Variants in CYFIP1 observed in about 807,000 individuals in gnomAD.
CYFIP1 encodes cytoplasmic FMR1-interacting protein 1.
In CYFIP1, 58 loss-of-function variants were observed where a neutral mutation model predicts 163.5. The ratio of observed to expected loss-of-function variants is 0.35; its 90% confidence interval spans 0.29 to 0.44. The LOEUF (loss-of-function observed/expected upper bound fraction) is 0.44. CYFIP1 is among the 20% of genes least tolerant of loss of function. The pLI is 1.00. For missense variants in CYFIP1, 1,338 were observed against 1,653.8 expected, an observed-to-expected ratio of 0.81 and a Z score of 3.31; for synonymous variants, 663 against 660.7, an observed-to-expected ratio of 1.00 and a Z score of -0.05.
intron 26 of CYFIP1, 69 bp from the exon 27 acceptor site, chr15:22,875,340 C>T: frequency 7.6e-7 from 1 of 1,319,180 alleles, no homozygotes; most frequent in Non-Finnish European, 1.1e-6. Context: ...GTGCTGAAAA[C>T]CAAGAACTTC....
In CYFIP1 at chr15:22,932,275, C is replaced by T. The variant is rs1033163739; in HGVS notation, c.1058G>A (p.Arg353His). Residue 353 changes from arginine to histidine, a missense_variant, in exon 11 of 31, where the codon CGC becomes CAC. By Grantham distance (29) the Arg-to-His change is conservative. Transcript: ENST00000617928. ...YNICEQMIQI[R>H]EDHMRFISEL... ...CGAAATGAAGCGCATGTGGTCCTCG[C>T]GGATCTGGATCATCTGCTCGCAGAT... 18 of 1,613,036 alleles carry T rather than the reference C, an allele frequency of 1.1e-5. 1 individual carries two copies. Among genetic ancestry groups the T allele is most frequent in the East Asian group, 2.2e-5 (1 of 44,820 alleles).
intron 21 of CYFIP1, among the ~76,000 whole-genome samples, 161 bp downstream of exon 21, chr15:22,909,033 G>A (rs1241967034): frequency 6.6e-6 from 1 of 151,192 alleles, no homozygotes; most frequent in Non-Finnish European, 1.5e-5. Context: ...CTATACAAGA[G>A]GCTTGGTATA....
chr15:22,904,137 T>G lies in CYFIP1; in HGVS notation c.2389-232A>C, dbSNP rs7169822. The G allele has an allele frequency of 3.7e-3, 2,145 of 583,088 alleles. 28 individuals are homozygous for G. The highest frequency in any genetic ancestry group is 0.033 in the African/African-American group (1,774 of 53,522). The allele number at this position is 583,088 out of a possible 1,614,324, so 36.1% of individuals were successfully genotyped here. A position where few individuals can be genotyped will look rare whatever the true frequency, so the allele number is the denominator to read the frequency against. ...CCACTGCAGTCACCTCCACGCCACC[T>G]ACCCCTGCTGTCCAGCACCCTGTGG... On this transcript the variant is annotated intron_variant, in intron 21 of 30. Transcript: ENST00000617928.
chr15:22,949,919 A>C (rs1595687084), intron 1 of CYFIP1, among the ~76,000 whole-genome samples: 1 of 152,088 alleles, frequency 6.6e-6, no homozygotes, highest in African/African-American at 2.4e-5. Context: ...ACTTGAGTCC[A>C]GGAGTTCAAG....
At chr15:22,954,585 C>T (rs537391059) in intron 1 of CYFIP1, among the ~76,000 whole-genome samples, 1 of 152,264 alleles carries the variant, frequency 6.6e-6, no homozygotes, top group Admixed American at 6.5e-5. Context: ...CCCCAGGCGG[C>T]GAACCGACCC....
chr15:22,979,149 ACGAGTGCACACCTGCTACGG>A (rs1471214552), intron 1 of CYFIP1, among the ~76,000 whole-genome samples: 1 of 152,110 alleles, frequency 6.6e-6, no homozygotes, highest in East Asian at 1.9e-4. Context: ...TACTGGCCCT[ACGAGTGCACACCTGCTACGG>A]CCCGCGCCCA....
At position 22,963,889 on chromosome 15, in the gene CYFIP1, G is replaced by A. The variant is rs574047127; in HGVS notation, c.-7+16398C>T. On this transcript the variant is annotated intron_variant, in intron 1 of 30. Coordinates refer to ENST00000617928, the MANE Select transcript of CYFIP1 (RefSeq NM_014608.6). The stretch of plus-strand genomic sequence containing the variant: ...GACGGCTTGTAGAAAGGACCTTCCA[G>A]GCCCAGTCAGCCCCGGGAATAAACA... Among the ~76,000 whole-genome samples, 364 of 152,254 alleles carry A rather than the reference G, an allele frequency of 2.4e-3. 7 individuals carry two copies. Among genetic ancestry groups the A allele is most frequent in the African/African-American group, 8.3e-3 (345 of 41,560 alleles).
chr15:22,929,504 C>A (rs34683651), intron 11 of CYFIP1, among the ~76,000 whole-genome samples: 2 of 150,506 alleles, frequency 1.3e-5, no homozygotes, highest in African/African-American at 4.9e-5. Context: ...TGGTGGCGTG[C>A]GCCTGTAGTC....
At chr15:22,978,352 C>CAAAAAAAAAAAAAAAAAAAA (rs397976366) in intron 1 of CYFIP1, among the ~76,000 whole-genome samples, 1 of 52,764 alleles carries the variant, frequency 1.9e-5, no homozygotes, top group African/African-American at 6.6e-5. Context: ...GACTCTGTCA[C>CAAAAAAAAAAAAAAAAAAAA]AAAAAAAAAA....
chr15:22,883,484 T>C (rs977894297), intron 23 of CYFIP1, among the ~76,000 whole-genome samples: 1 of 151,978 alleles, frequency 6.6e-6, no homozygotes, highest in Non-Finnish European at 1.5e-5. Flanking sequence ...TTCACACTGC[T>C]ATAGAGAAAT....
At position 22,942,167 on chromosome 15, in the gene CYFIP1, T is replaced by G. The variant is rs926587288; in HGVS notation, c.569+1006A>C. On this transcript the variant is annotated intron_variant, in intron 6 of 30. Coordinates refer to ENST00000617928, the MANE Select transcript of CYFIP1 (RefSeq NM_014608.6). ...ATTTCACATGAATGAGGCTTAAAAT[T>G]CTGCCTGACCTAGCTTGACTCCTAC... 2.6e-5 allele frequency among the ~76,000 whole-genome samples: 4 copies of G among 152,230 alleles called. 1 individual carries two copies. The highest frequency in any genetic ancestry group is 9.6e-5 in the African/African-American group (4 of 41,466).
Position 22,867,333 on chromosome 15 carries a change from A to G in CYFIP1, c.*2695T>C. Reference sequence around the variant, plus strand: ...TTGATGATGATTGGTTTTATTTTTGAAATATTTATTAAGGGAAAACTAAGT... The same window carrying G: ...TTGATGATGATTGGTTTTATTTTTGGAATATTTATTAAGGGAAAACTAAGT... On this transcript the variant is annotated 3_prime_UTR_variant, in exon 31 of 31. Transcript: ENST00000617928. 2.5e-6 allele frequency: 1 copy of G among 396,794 alleles called. No individual in the cohort carries two copies. The highest frequency in any genetic ancestry group is 4.4e-6 in the Non-Finnish European group (1 of 225,174). The allele number at this position is 396,794 out of a possible 1,614,324, so 24.6% of individuals were successfully genotyped here.
At position 22,946,796 on chromosome 15, in the gene CYFIP1, G is replaced by T. The variant is rs1009678189; in HGVS notation, c.207+207C>A. On this transcript the variant is annotated intron_variant, in intron 3 of 30. Coordinates refer to ENST00000617928, the MANE Select transcript of CYFIP1 (RefSeq NM_014608.6). ...AAACGCTGACAAAGGTTTTCTCTGG[G>T]CCAGAGACATTGAATTTTCAGAACC... is the stretch of plus-strand genomic sequence containing the variant. 4 of 692,890 alleles carry T rather than the reference G, an allele frequency of 5.8e-6. No homozygotes were observed. In the African/African-American group the frequency reaches 7.0e-5, roughly 12 times the overall value. 42.9% of individuals were successfully genotyped at this position (692,890 alleles called of 1,614,324 possible). A position where few individuals can be genotyped will look rare whatever the true frequency, so the allele number is the denominator to read the frequency against.
intron 19 of CYFIP1, 51 bp from the exon 20 acceptor site, chr15:22,910,679 G>A: frequency 5.0e-6 from 8 of 1,602,624 alleles, no homozygotes; most frequent in Non-Finnish European, 6.8e-6. Flanking sequence ...AATTGTAATG[G>A]GAATGTCAGA....
chr15:22,916,656 G>C, intron 15 of CYFIP1, 26 bp from the exon 16 acceptor site: 2 of 1,614,088 alleles, frequency 1.2e-6, no homozygotes, highest in East Asian at 4.5e-5. Context: ...AAACATTTGT[G>C]GGGGAGAAAA....
chr15:22,880,541 C>T (rs904044307), intron 25 of CYFIP1, among the ~76,000 whole-genome samples: 10 of 152,148 alleles, frequency 6.6e-5, no homozygotes, highest in Non-Finnish European at 1.0e-4. Flanking sequence ...TCCCGGACAG[C>T]GGAATAAGGC....
At position 22,901,284 on chromosome 15, in the gene CYFIP1, C is replaced by T. The variant is rs116793729; in HGVS notation, c.2588+2422G>A. The stretch of plus-strand genomic sequence containing the variant: ...GAAGATAACTGATTCGGACAGGAAT[C>T]GTCGACAGATGTTAAAACGACCGGG... On this transcript the variant is annotated intron_variant, in intron 22 of 30. Transcript: ENST00000617928. Among the ~76,000 whole-genome samples, 586 of 152,174 alleles carry T rather than the reference C, an allele frequency of 3.9e-3. 2 individuals carry two copies. Among genetic ancestry groups the T allele is most frequent in the African/African-American group, 0.013 (557 of 41,500 alleles).
intron 23 of CYFIP1, among the ~76,000 whole-genome samples, chr15:22,886,884 G>C (rs1238877138): frequency 6.6e-6 from 1 of 152,184 alleles, no homozygotes; most frequent in African/African-American, 2.4e-5. Flanking sequence ...GAGAGTTGAA[G>C]TCCCCAACTG....
At chr15:22,920,873 C>A (rs143925515) in intron 13 of CYFIP1, among the ~76,000 whole-genome samples, 2 of 152,114 alleles carry the variant, frequency 1.3e-5, no homozygotes, top group South Asian at 2.1e-4. Context: ...AAAAACCAAA[C>A]GAGGAAAAAC....
Sources: allele counts gnomAD v4.1 joint callset (sites outside exome capture counted in the v4.1 genomes callset), GRCh38; gene constraint gnomAD v4.1.1; transcripts MANE v1.5; gene names NCBI Gene and HGNC (gene_info 2026-07-23, HGNC 2026-07-21).